Variants in ANKRD30B observed in about 807,000 individuals in gnomAD.
ANKRD30B encodes the protein ankyrin repeat domain-containing protein 30B.
In ANKRD30B, 144 loss-of-function variants were observed where a neutral mutation model predicts 202.2. That is an observed-to-expected ratio of 0.71 (90% CI 0.62 to 0.82). ANKRD30B has a LOEUF of 0.82. ANKRD30B is among the 40% of genes least tolerant of loss of function. ANKRD30B has a pLI of 0.00. For missense variants in ANKRD30B, 1,487 were observed against 1,669.1 expected (o/e 0.89, Z 1.90); for synonymous variants, 508 against 561.3 (o/e 0.91, Z 1.34).
intron 5 of ANKRD30B, among the ~76,000 whole-genome samples, chr18:14,759,979 C>A (rs1914997453): frequency 6.6e-6 from 1 of 152,184 alleles, no homozygotes; most frequent in Admixed American, 6.5e-5. Flanking sequence ...TGGGCTCAAG[C>A]AATCCCCCTG....
intron 8 of ANKRD30B, among the ~76,000 whole-genome samples, chr18:14,771,623 C>A (rs190871763): frequency 3.7e-4 from 56 of 152,284 alleles, no homozygotes; most frequent in African/African-American, 1.3e-3. Flanking sequence ...TGAAGGGAAG[C>A]AACAGGGCCT....
the ANKRD30B span, among the ~76,000 whole-genome samples, chr18:14,922,623 C>T: frequency 6.7e-6 from 1 of 148,548 alleles, no homozygotes; most frequent in Admixed American, 6.7e-5. Flanking sequence ...CCACCGCACT[C>T]CAGCCTGGGT....
rs979845729 is a variant in ANKRD30B, at chr18:14,809,197, A to C, written c.2386+453A>C. Among the ~76,000 whole-genome samples the C allele has an allele frequency of 5.4e-4, 81 of 150,974 alleles. 5 individuals are homozygous for C. Among genetic ancestry groups the C allele is most frequent in the African/African-American group, 2.0e-3 (80 of 40,906 alleles). On this transcript the variant is annotated intron_variant, in intron 26 of 43. Coordinates refer to ENST00000690538, the MANE Select transcript of ANKRD30B (RefSeq NM_001367607.2). ...CATTTGATTTTGAGGTGAGATGGTCACATGGGGATGAAGTAATTCTTTAAC... is the reference window on the plus strand; with the variant it reads ...CATTTGATTTTGAGGTGAGATGGTCCCATGGGGATGAAGTAATTCTTTAAC...
At chr18:14,769,649 T>G (rs1916787560) in intron 8 of ANKRD30B, among the ~76,000 whole-genome samples, 1 of 152,202 alleles carries the variant, frequency 6.6e-6, no homozygotes, top group Non-Finnish European at 1.5e-5. Flanking sequence ...TCTGCCTACT[T>G]TGGTCCCTAA....
At chr18:14,760,488 A>C (rs1170015202) in intron 5 of ANKRD30B, 66 bp from the exon 6 acceptor site, 9 of 896,030 alleles carry the variant, frequency 1.0e-5, no homozygotes, top group Non-Finnish European at 1.2e-5. Flanking sequence ...GAACTTAATA[A>C]ATTTGGTAAA....
At chr18:14,831,349 A>G in intron 33 of ANKRD30B, 34 bp from the exon 34 acceptor site, 1 of 1,325,166 alleles carries the variant, frequency 7.5e-7, no homozygotes, top group Non-Finnish European at 1.0e-6. Context: ...AAATATATGA[A>G]TTTGCTCATT....
intron 37 of ANKRD30B, among the ~76,000 whole-genome samples, chr18:14,841,442 G>T (rs1024681006): frequency 1.3e-5 from 2 of 152,088 alleles, no homozygotes; most frequent in African/African-American, 4.8e-5. Context: ...CTGGAAGAAG[G>T]GCAGTTGGAT....
the ANKRD30B span, among the ~76,000 whole-genome samples, chr18:14,896,094 G>T: frequency 1.3e-5 from 2 of 151,898 alleles, no homozygotes; most frequent in East Asian, 1.9e-4. Flanking sequence ...GAGGAACTGT[G>T]GGGGGAAATG....
chr18:14,866,690 G>T, the ANKRD30B span, among the ~76,000 whole-genome samples: 1 of 152,270 alleles, frequency 6.6e-6, no homozygotes, highest in Admixed American at 6.5e-5. Flanking sequence ...TGGTGGTGGG[G>T]TGGGTTGGGT....
At chr18:14,821,427 G>A (rs1333669485) in intron 30 of ANKRD30B, among the ~76,000 whole-genome samples, 2 of 151,854 alleles carry the variant, frequency 1.3e-5, no homozygotes, top group East Asian at 3.9e-4. Flanking sequence ...GTTTGTTCTT[G>A]CTTTTCTAGT....
At chr18:14,775,050 C>G (rs1829752360) in intron 9 of ANKRD30B, among the ~76,000 whole-genome samples, 4 of 152,202 alleles carry the variant, frequency 2.6e-5, no homozygotes, top group African/African-American at 9.7e-5. Context: ...TGGCATGAAC[C>G]TGGGAGGTGG....
intron 39 of ANKRD30B, among the ~76,000 whole-genome samples, chr18:14,847,305 A>G (rs191911451): frequency 2.1e-3 from 314 of 150,880 alleles, no homozygotes; most frequent in African/African-American, 7.1e-3. Context: ...AGAAATTCCA[A>G]TCATATATTT....
At chr18:14,902,884 G>A in the ANKRD30B span, among the ~76,000 whole-genome samples, 1 of 152,162 alleles carries the variant, frequency 6.6e-6, no homozygotes, top group African/African-American at 2.4e-5. Context: ...CAACAATTAT[G>A]GAATCCATGG....
chr18:14,799,258 A>G lies in ANKRD30B; in HGVS notation c.2094A>G (p.Lys698=). 6.4e-7 allele frequency: 1 copy of G among 1,553,724 alleles called. No homozygotes were observed. Among genetic ancestry groups the G allele is most frequent in the South Asian group, 1.2e-5 (1 of 84,176 alleles). ...TCGRKVSLPN[K]ALELKDRETF... is the part of the protein sequence containing the mutation. ...GAAGGAAAGTTTCTCTTCCAAATAAAGCTTTAGAATTGAAGGACAGAGAAA... is the reference window on the plus strand; with the variant it reads ...GAAGGAAAGTTTCTCTTCCAAATAAGGCTTTAGAATTGAAGGACAGAGAAA... Residue 698 remains lysine (K), a synonymous_variant, in exon 22 of 44, where the codon AAA becomes AAG. Coordinates refer to ENST00000690538, the MANE Select transcript of ANKRD30B (RefSeq NM_001367607.2).
chr18:14,881,007 G>A, the ANKRD30B span, among the ~76,000 whole-genome samples: 1 of 152,106 alleles, frequency 6.6e-6, no homozygotes, highest in Non-Finnish European at 1.5e-5. Flanking sequence ...GGGTTCTCAA[G>A]GAGAAAGGTC....
intron 34 of ANKRD30B, among the ~76,000 whole-genome samples, chr18:14,832,263 G>A (rs1970985117): frequency 6.6e-6 from 1 of 152,196 alleles, no homozygotes; most frequent in East Asian, 1.9e-4. Flanking sequence ...TATTATTAAG[G>A]CATGTGAGGA....
At chr18:14,866,512 G>A in the ANKRD30B span, among the ~76,000 whole-genome samples, 1 of 152,120 alleles carries the variant, frequency 6.6e-6, no homozygotes, top group African/African-American at 2.4e-5. Context: ...CCAGCTAGAG[G>A]TCTAGGAGAA....
At chr18:14,822,177 C>T (rs1469380591) in intron 30 of ANKRD30B, among the ~76,000 whole-genome samples, 1 of 152,088 alleles carries the variant, frequency 6.6e-6, no homozygotes, top group Non-Finnish European at 1.5e-5. Flanking sequence ...AACCTCTTTC[C>T]TTATATGGCA....
chr18:14,898,742 T>C, the ANKRD30B span, among the ~76,000 whole-genome samples: 62,581 of 152,038 alleles, frequency 0.41, 14,310 homozygotes, highest in East Asian at 0.59. Context: ...GGTGGTTCAT[T>C]ACATTTACAA....
Sources: gnomAD v4.1 joint callset for allele counts (sites outside exome capture counted in the v4.1 genomes callset) on GRCh38, gnomAD v4.1.1 for gene constraint, MANE v1.5 for transcripts, NCBI Gene and HGNC (gene_info 2026-07-23, HGNC 2026-07-21) for gene names.